AOAH: variants seen among roughly 807,000 people sequenced by gnomAD.
AOAH encodes the protein acyloxyacyl hydrolase (neutrophil).
In AOAH, 64 loss-of-function variants were observed where a neutral mutation model predicts 92.2. That is an observed-to-expected ratio of 0.69 (90% CI 0.57 to 0.86). The LOEUF (loss-of-function observed/expected upper bound fraction) is 0.86, where lower values mean the gene tolerates loss of function less well. AOAH is among the 40% of genes least tolerant of loss of function. The probability of loss-of-function intolerance (pLI) is 0.00; values close to 1 mark genes in which losing one functional copy is unlikely to be tolerated. For synonymous variants in AOAH, 263 were observed against 254.5 expected (o/e 1.03, Z -0.32); for missense variants, 656 against 694.6 (o/e 0.94, Z 0.62).
chr7:36,632,246 C>T (rs2116239954), intron 5 of AOAH, 140 bp from the exon 6 acceptor site: 4 of 691,314 alleles, frequency 5.8e-6, no homozygotes, highest in Non-Finnish European at 9.8e-6. Flanking sequence ...CTAAATTTAC[C>T]TCTTGTTCCT....
chr7:36,720,621 T>C (rs1160210669), intron 1 of AOAH, among the ~76,000 whole-genome samples: 1 of 152,190 alleles, frequency 6.6e-6, no homozygotes, highest in African/African-American at 2.4e-5. Flanking sequence ...ATTGGCAGTT[T>C]AAAGAGTTTT....
chr7:36,551,011 A>T (rs1243729307), intron 13 of AOAH, among the ~76,000 whole-genome samples: 2 of 151,920 alleles, frequency 1.3e-5, no homozygotes, highest in African/African-American at 4.8e-5. Context: ...AGGAAATGTT[A>T]GCACATTAAA....
Position 36,720,837 on chromosome 7 carries a change from C to T in AOAH, c.127+3185G>A, listed in dbSNP as rs369246510. Among the ~76,000 whole-genome samples, 16 of 151,806 alleles carry T rather than the reference C, an allele frequency of 1.1e-4. No homozygotes were observed. The East Asian group carries it at 1.6e-3, about 15-fold the overall frequency. On this transcript the variant is annotated intron_variant, in intron 1 of 20. Transcript: ENST00000617537. Reference sequence around the variant, plus strand: ...AGTGGCCATGTGAGAACTGAGTGCGCGGAAATGTTTGGGGACCACCTTTCT... The same window carrying T: ...AGTGGCCATGTGAGAACTGAGTGCGTGGAAATGTTTGGGGACCACCTTTCT...
At chr7:36,617,619 T>C (rs2115999302) in intron 10 of AOAH, among the ~76,000 whole-genome samples, 2 of 152,222 alleles carry the variant, frequency 1.3e-5, no homozygotes, top group Middle Eastern at 3.4e-3. Context: ...AATGAGGTGA[T>C]TGTGGAAGTG....
At chr7:36,694,078 A>G (rs1278045896) in intron 1 of AOAH, among the ~76,000 whole-genome samples, 1 of 152,234 alleles carries the variant, frequency 6.6e-6, no homozygotes, top group Admixed American at 6.5e-5. Flanking sequence ...AAAGAACTAG[A>G]TACTACCTGA....
At position 36,546,249 on chromosome 7, in the gene AOAH, C is replaced by T. The variant is rs150151545; in HGVS notation, c.1133+2363G>A. Among the ~76,000 whole-genome samples, 176 of 152,306 alleles carry T rather than the reference C, an allele frequency of 1.2e-3. 1 individual carries two copies. The highest frequency in any genetic ancestry group is 4.1e-3 in the African/African-American group (172 of 41,570). On this transcript the variant is annotated intron_variant, in intron 15 of 20. Coordinates refer to ENST00000617537, the MANE Select transcript of AOAH (RefSeq NM_001637.4). ...TTGTCATAGAAAAAGAAAAGAAAAA[C>T]GTCAAGCAAATATCCTAAAACTTGT...
In AOAH at chr7:36,521,893, T is replaced by C. The variant is rs1412007463; in HGVS notation, c.1599+146A>G. The C allele has an allele frequency of 9.9e-6, 6 of 608,286 alleles. No homozygotes were observed. In the East Asian group the frequency reaches 1.7e-4, roughly 18 times the overall value. The allele number at this position is 608,286 out of a possible 1,614,324, so 37.7% of individuals were successfully genotyped here. ...CAAATTTCACTTTGTTTTTATTAAA[T>C]CTTCTATCCTATACATGTATGTACA... On this transcript the variant is annotated intron_variant, in intron 20 of 20. Transcript: ENST00000617537.
intron 16 of AOAH, among the ~76,000 whole-genome samples, chr7:36,537,695 G>T (rs1194224111): frequency 1.3e-5 from 2 of 151,616 alleles, no homozygotes; most frequent in South Asian, 2.1e-4. Flanking sequence ...ATTTTTTTTT[G>T]TATTTTTAGC....
At chr7:36,531,162 G>A (rs1422592994) in intron 18 of AOAH, among the ~76,000 whole-genome samples, 1 of 152,098 alleles carries the variant, frequency 6.6e-6, no homozygotes, top group Non-Finnish European at 1.5e-5. Flanking sequence ...ATACTATGTA[G>A]GCAAAAACCA....
rs1785967428 is a variant in AOAH at position 36,548,642 on chromosome 7, T to C, written c.1103A>G (p.Tyr368Cys). 6.2e-7 allele frequency: 1 copy of C among 1,613,686 alleles called. No homozygotes were observed. The highest frequency in any genetic ancestry group is 1.1e-5 in the South Asian group (1 of 91,088). ...KVLDYPAIVI[Y>C]AMIGNDVCSG... ...GCAGACATCATTTCCAATCATGGCA[T>C]ATATAACGATGGCGGGATAGTCCAA... The change falls in exon 15 of 21, where the codon TAT becomes TGT. Residue 368 changes from tyrosine (Y) to cysteine (C), a missense_variant. Transcript: ENST00000617537.
chr7:36,602,538 G>C (rs1481101516), intron 11 of AOAH, among the ~76,000 whole-genome samples: 1 of 148,778 alleles, frequency 6.7e-6, no homozygotes, highest in Non-Finnish European at 1.5e-5. Flanking sequence ...CTCATATGCA[G>C]AGATAACCAC....
At chr7:36,720,819 A>T (rs1005484618) in intron 1 of AOAH, among the ~76,000 whole-genome samples, 1 of 85,840 alleles carries the variant, frequency 1.2e-5, no homozygotes, top group East Asian at 4.1e-4. Context: ...TTCAGTGGCC[A>T]TGTGAGAACT....
At chr7:36,571,163 C>A (rs768141667) in intron 13 of AOAH, among the ~76,000 whole-genome samples, 1 of 152,140 alleles carries the variant, frequency 6.6e-6, no homozygotes, top group South Asian at 2.1e-4. Context: ...AATGAGGCCC[C>A]CAGGATTAAT....
chr7:36,635,864 T>C (rs1000547321), intron 5 of AOAH, among the ~76,000 whole-genome samples: 1 of 152,206 alleles, frequency 6.6e-6, no homozygotes, highest in South Asian at 2.1e-4. Context: ...AAAAATACTC[T>C]ATCTATTTGA....
intron 2 of AOAH, among the ~76,000 whole-genome samples, chr7:36,677,627 CAT>C (rs942110070): frequency 1.1e-4 from 16 of 152,064 alleles, no homozygotes; most frequent in African/African-American, 3.9e-4. Flanking sequence ...TATATATAAA[CAT>C]ATGTCCACAC....
chr7:36,653,139 G>A lies in AOAH; in HGVS notation c.390+6027C>T, dbSNP rs142979918. Among the ~76,000 whole-genome samples the A allele has an allele frequency of 2.5e-3, 380 of 152,252 alleles. 1 individual carries two copies. The highest frequency in any genetic ancestry group is 7.6e-3 in the African/African-American group (315 of 41,552). On this transcript the variant is annotated intron_variant, in intron 4 of 20. Transcript: ENST00000617537. ...TTTATTTGAAATAACAGAGTTTGGGGGAGACTAGACAATAACACATGTGAC... is the reference window on the plus strand; with the variant it reads ...TTTATTTGAAATAACAGAGTTTGGGAGAGACTAGACAATAACACATGTGAC...
At chr7:36,577,365 T>G (rs1459204740) in intron 12 of AOAH, among the ~76,000 whole-genome samples, 1 of 152,168 alleles carries the variant, frequency 6.6e-6, no homozygotes, top group Non-Finnish European at 1.5e-5. Context: ...GCTGCCATCT[T>G]AAACTATGGG....
chr7:36,542,122 C>T (rs1403952848), intron 15 of AOAH, among the ~76,000 whole-genome samples: 2 of 152,072 alleles, frequency 1.3e-5, no homozygotes, highest in African/African-American at 4.8e-5. Flanking sequence ...ATGACTGAAT[C>T]CTTATAAGAA....
intron 5 of AOAH, among the ~76,000 whole-genome samples, chr7:36,635,082 G>A (rs1045438759): frequency 4.6e-5 from 7 of 152,248 alleles, no homozygotes; most frequent in Admixed American, 4.6e-4. Context: ...GATGGGCCCC[G>A]AGCAACATTG....
Sources: gnomAD v4.1 joint callset for allele counts (sites outside exome capture counted in the v4.1 genomes callset) on GRCh38, gnomAD v4.1.1 for gene constraint, MANE v1.5 for transcripts, NCBI Gene and HGNC (gene_info 2026-07-23, HGNC 2026-07-21) for gene names.